LAMB4: variants seen among roughly 807,000 people sequenced by gnomAD.
LAMB4 encodes laminin subunit beta 4, also known as laminin subunit beta-4.
Under a neutral mutation model 199.2 loss-of-function variants are expected in LAMB4, and 196 were observed. That is an observed-to-expected ratio of 0.98 (90% confidence interval 0.88 to 1.11). The LOEUF is 1.11. Among genes scored for constraint, LAMB4 ranks in the 50% least tolerant of loss-of-function variants. LAMB4 has a pLI of 0.00. For missense variants in LAMB4, 2,080 were observed against 2,171.2 expected, an observed-to-expected ratio of 0.96 and a Z score of 0.83; for synonymous variants, 744 against 770.6, an observed-to-expected ratio of 0.97 and a Z score of 0.57.
intron 14 of LAMB4, among the ~76,000 whole-genome samples, chr7:108,087,711 G>T (rs1301739155): frequency 6.9e-6 from 1 of 144,798 alleles, no homozygotes; most frequent in Non-Finnish European, 1.5e-5. Flanking sequence ...CTCCATGTAA[G>T]AGGAGAGCCA....
At chr7:108,088,846 G>A (rs540315793) in intron 14 of LAMB4, among the ~76,000 whole-genome samples, 1 of 152,284 alleles carries the variant, frequency 6.6e-6, no homozygotes, top group East Asian at 1.9e-4. Flanking sequence ...TCATCTGACA[G>A]CAATAACTTA....
intron 11 of LAMB4, among the ~76,000 whole-genome samples, chr7:108,097,151 C>G (rs752695380): frequency 2.0e-5 from 3 of 151,978 alleles, no homozygotes; most frequent in Non-Finnish European, 4.4e-5. Flanking sequence ...TTAAGAAGAG[C>G]GTTTTATTAC....
At chr7:108,040,806 C>G (rs1019335300) in intron 29 of LAMB4, among the ~76,000 whole-genome samples, 10 of 152,050 alleles carry the variant, frequency 6.6e-5, no homozygotes, top group African/African-American at 1.9e-4. Flanking sequence ...GTATAAAAAC[C>G]TTGGAAGGCA....
intron 29 of LAMB4, among the ~76,000 whole-genome samples, chr7:108,042,585 AC>A (rs1286776687): frequency 6.6e-6 from 1 of 152,174 alleles, no homozygotes; most frequent in Non-Finnish European, 1.5e-5. Flanking sequence ...TTTTGAATCA[AC>A]AACATGTCCA....
At chr7:108,031,196 T>C (rs2035018359) in intron 31 of LAMB4, among the ~76,000 whole-genome samples, 1 of 151,388 alleles carries the variant, frequency 6.6e-6, no homozygotes, top group African/African-American at 2.4e-5. Flanking sequence ...GTGGGGTGCA[T>C]GCCTGTAGTC....
chr7:108,078,431 A>G (rs1242222923), intron 15 of LAMB4, 115 bp from the exon 16 acceptor site: 3 of 641,778 alleles, frequency 4.7e-6, no homozygotes, highest in Non-Finnish European at 8.2e-6. Flanking sequence ...CCCCTAGGCC[A>G]CTTGGCAAAG....
rs547055742 is a variant in LAMB4, at chr7:108,039,946, T to C, written c.4472-2351A>G. On this transcript the variant is annotated intron_variant, in intron 29 of 33. Transcript: ENST00000388781. Reference sequence around the variant, plus strand: ...CAGGCAAAAGAAAGAACAAAGCGTATCCAAATAGGAAGAGAGGAAGTCAAA... The same window carrying C: ...CAGGCAAAAGAAAGAACAAAGCGTACCCAAATAGGAAGAGAGGAAGTCAAA... Among the ~76,000 whole-genome samples, 11 of 152,280 alleles carry C rather than the reference T, an allele frequency of 7.2e-5. No homozygotes were observed. The East Asian group carries it at 2.1e-3, about 29-fold the overall frequency.
At chr7:108,087,221 C>T (rs771340841) in intron 14 of LAMB4, among the ~76,000 whole-genome samples, 2 of 152,196 alleles carry the variant, frequency 1.3e-5, no homozygotes, top group Non-Finnish European at 2.9e-5. Context: ...TTAGCCCCCA[C>T]CACCACACAT....
intron 29 of LAMB4, among the ~76,000 whole-genome samples, chr7:108,039,015 G>T (rs903807578): frequency 4.6e-5 from 7 of 152,236 alleles, no homozygotes; most frequent in Non-Finnish European, 1.0e-4. Context: ...GACTTCAGAT[G>T]CATTGAAACT....
chr7:108,107,270 TG>T (rs2038055189), intron 6 of LAMB4, among the ~76,000 whole-genome samples: 1 of 152,186 alleles, frequency 6.6e-6, no homozygotes, highest in African/African-American at 2.4e-5. Flanking sequence ...CAGATTCCCC[TG>T]GGGTGGTGGT....
In LAMB4 at chr7:108,104,549, T is replaced by C. The variant is rs377703200; in HGVS notation, c.941A>G (p.Gln314Arg). ...TGCAGCTGGCCTCCAAGGAGCATCC[T>C]GGAAGAAGTCCTTGCATCTCTCACA... ...PNCERCKDFF[Q>R]DAPWRPAADL... is the part of the protein sequence containing the mutation. Residue 314 changes from glutamine to arginine, a missense_variant, in exon 9 of 34, where the codon CAG becomes CGG. Gln to Arg is a conservative substitution (Grantham distance 43). Transcript: ENST00000388781. 1.2e-6 allele frequency: 2 copies of C among 1,614,126 alleles called. No homozygotes were observed. Among genetic ancestry groups the C allele is most frequent in the African/African-American group, 2.7e-5 (2 of 74,950 alleles).
At chr7:108,017,308 T>A in the LAMB4 span, among the ~76,000 whole-genome samples, 29 of 152,174 alleles carry the variant, frequency 1.9e-4, no homozygotes, top group African/African-American at 6.5e-4. Context: ...TAGGTGCTGA[T>A]GGATGAGCAG....
chr7:108,014,089 G>A, the LAMB4 span, among the ~76,000 whole-genome samples: 5 of 151,756 alleles, frequency 3.3e-5, no homozygotes, highest in African/African-American at 9.7e-5. Flanking sequence ...TAATGAACAT[G>A]TATAGTCCTT....
Position 108,111,877 on chromosome 7 carries a change from T to C in LAMB4, c.262A>G (p.Thr88Ala), listed in dbSNP as rs777304506. The change falls in exon 4 of 34, where the codon ACC becomes GCC. Residue 88 changes from threonine (T) to alanine (A), a missense_variant. Coordinates refer to ENST00000388781, the MANE Select transcript of LAMB4 (RefSeq NM_007356.3). ...YDPYDQPNSH[T>A]IENVIVSFEP... ...AAACTTACAATGACATTCTCAATGG[T>C]GTGGCTGTTGGGTTGGTCATACGGA... 6 of 1,612,156 alleles carry C rather than the reference T, an allele frequency of 3.7e-6. No individual in the cohort carries two copies. The Admixed American group carries it at 5.0e-5, about 13-fold the overall frequency.
At chr7:108,014,311 A>G in the LAMB4 span, among the ~76,000 whole-genome samples, 2 of 152,186 alleles carry the variant, frequency 1.3e-5, no homozygotes, top group African/African-American at 2.4e-5. Flanking sequence ...CTTTCTAGAA[A>G]CTAGAGTTCG....
chr7:108,083,964 T>C (rs534843232), intron 14 of LAMB4, among the ~76,000 whole-genome samples: 1 of 152,316 alleles, frequency 6.6e-6, no homozygotes, highest in East Asian at 1.9e-4. Context: ...CAAGAAGGAA[T>C]TATCATAACT....
intron 30 of LAMB4, 124 bp from the exon 31 acceptor site, chr7:108,034,470 C>A: frequency 1.3e-6 from 1 of 746,054 alleles, no homozygotes. Context: ...TTAAATTACT[C>A]TTAAACAAGA....
rs1479629342 is a variant in LAMB4, at chr7:108,034,227, A to C, written c.4799T>G (p.Ile1600Arg). 6.2e-7 allele frequency: 1 copy of C among 1,613,952 alleles called. No individual in the cohort carries two copies. Among genetic ancestry groups the C allele is most frequent in the South Asian group, 1.1e-5 (1 of 91,070 alleles). Residue 1600 changes from isoleucine (I) to arginine (R), a missense_variant, in exon 31 of 34, where the codon ATA (isoleucine) becomes AGA (arginine). By Grantham distance (97) the Ile-to-Arg change is moderately conservative. Coordinates refer to ENST00000388781, the MANE Select transcript of LAMB4 (RefSeq NM_007356.3). ...ITQLTANITK[I>R]KKNVLQAENQ... ...AAATACCTGCAGCACATTCTTTTTTATTTTTGTTATATTGGCAGTCAGCTG... is the reference window on the plus strand; with the variant it reads ...AAATACCTGCAGCACATTCTTTTTTCTTTTTGTTATATTGGCAGTCAGCTG...
chr7:108,087,468 T>A (rs1332989921), intron 14 of LAMB4, among the ~76,000 whole-genome samples: 1 of 152,172 alleles, frequency 6.6e-6, no homozygotes, highest in Non-Finnish European at 1.5e-5. Flanking sequence ...AGCTAATAAA[T>A]GAAGGAATGA....
Sources: allele counts gnomAD v4.1 joint callset (sites outside exome capture counted in the v4.1 genomes callset), GRCh38; gene constraint gnomAD v4.1.1; transcripts MANE v1.5; gene names NCBI Gene and HGNC (gene_info 2026-07-23, HGNC 2026-07-21).